MTUS1: variants seen among roughly 807,000 people sequenced by gnomAD.
MTUS1 encodes the protein microtubule-associated tumor suppressor 1.
Under a neutral mutation model 120.8 loss-of-function variants are expected in MTUS1, and 109 were observed. The observed-to-expected ratio is 0.90, with a 90% CI of 0.77 to 1.06. MTUS1 has a LOEUF of 1.06. Ranked by LOEUF, MTUS1 falls within the 50% of genes least tolerant of loss-of-function variation. The pLI is 0.00. For synonymous variants in MTUS1, 737 were observed against 550.5 expected, an observed-to-expected ratio of 1.34 and a Z score of -4.74; for missense variants, 2,210 against 1,486.3, an observed-to-expected ratio of 1.49 and a Z score of -8.01.
Position 17,723,742 on chromosome 8 carries a change from C to T in MTUS1, c.2379G>A (p.Ala793=), listed in dbSNP as rs376574345. 1.6e-4 allele frequency: 262 copies of T among 1,610,512 alleles called. 8 individuals carry two copies. Among genetic ancestry groups the T allele is most frequent in the Middle Eastern group, 4.9e-4 (3 of 6,068 alleles). The change falls in exon 4 of 15, where the codon GCG becomes GCA. Residue 793 remains alanine, a synonymous_variant. Coordinates refer to ENST00000693296, the MANE Select transcript of MTUS1 (RefSeq NM_001363059.2). ...AGGGGGTGCTTCCTGTCCTCCGCAG[C>T]GCAGGACTTTTCAAAGATGCTTTGG... The part of the protein sequence containing the change: ...PKSKASLKSP[A]LRRTGSTPSI...
intron 8 of MTUS1, among the ~76,000 whole-genome samples, chr8:17,656,457 G>C (rs1003299751): frequency 1.3e-5 from 2 of 151,810 alleles, no homozygotes; most frequent in Non-Finnish European, 2.9e-5. Flanking sequence ...GAACCCGGGA[G>C]GCGGAGGTTG....
At chr8:17,652,534 TTTTG>T (rs1554566207) in intron 12 of MTUS1, among the ~76,000 whole-genome samples, 1 of 151,960 alleles carries the variant, frequency 6.6e-6, no homozygotes, top group Non-Finnish European at 1.5e-5. Context: ...CCAGGGTTCC[TTTTG>T]GGGGTGATAA....
Position 17,691,704 on chromosome 8 carries a change from G to GT in MTUS1, c.2624-7163dup, listed in dbSNP as rs200014137. On this transcript the variant is annotated intron_variant, in intron 6 of 14. Coordinates refer to ENST00000693296, the MANE Select transcript of MTUS1 (RefSeq NM_001363059.2). ...TTCACACGCAAATGCTAATATATGT[G>GT]TTTTTTTTTAATGGAAGCTTTCTAA... Among the ~76,000 whole-genome samples, 753 of 150,544 alleles carry GT rather than the reference G, an allele frequency of 5.0e-3. 3 individuals are homozygous for GT. The highest frequency in any genetic ancestry group is 0.017 in the African/African-American group (689 of 41,068).
intron 8 of MTUS1, among the ~76,000 whole-genome samples, chr8:17,660,578 T>G (rs1433255019): frequency 2.0e-5 from 3 of 152,150 alleles, no homozygotes. Context: ...ATATGGCAAT[T>G]CTATTATTAA....
chr8:17,647,938 GTTC>G (rs1418898095), intron 13 of MTUS1, among the ~76,000 whole-genome samples: 4 of 152,258 alleles, frequency 2.6e-5, no homozygotes, highest in African/African-American at 9.6e-5. Context: ...GAACCTGATT[GTTC>G]TTAAGACATC....
At chr8:17,686,217 A>G (rs969161744) in intron 6 of MTUS1, among the ~76,000 whole-genome samples, 4 of 152,246 alleles carry the variant, frequency 2.6e-5, no homozygotes, top group Admixed American at 2.6e-4. Context: ...CCAGATTCAA[A>G]GTCAGAACCC....
intron 3 of MTUS1, among the ~76,000 whole-genome samples, chr8:17,737,319 G>C (rs1026568957): frequency 6.6e-6 from 1 of 152,184 alleles, no homozygotes; most frequent in Non-Finnish European, 1.5e-5. Flanking sequence ...AATTAAATGA[G>C]ATTATGCATT....
chr8:17,657,299 T>A (rs1167552252), intron 8 of MTUS1, among the ~76,000 whole-genome samples: 3 of 151,710 alleles, frequency 2.0e-5, no homozygotes, highest in Admixed American at 2.0e-4. Context: ...CCGGGCGCGG[T>A]GGCTCACGCC....
chr8:17,776,028 G>A (rs2050400606), intron 1 of MTUS1, among the ~76,000 whole-genome samples: 2 of 152,082 alleles, frequency 1.3e-5, no homozygotes, highest in East Asian at 1.9e-4. Flanking sequence ...ACTTAATAAC[G>A]AGGTCCTTCT....
At chr8:17,718,415 C>T (rs2131064755) in intron 4 of MTUS1, among the ~76,000 whole-genome samples, 1 of 152,306 alleles carries the variant, frequency 6.6e-6, no homozygotes, top group South Asian at 2.1e-4. Flanking sequence ...GCTGAATCAC[C>T]TATCTATGAA....
chr8:17,655,082 C>T (rs959056878), intron 9 of MTUS1: 27 of 174,784 alleles, frequency 1.5e-4, no homozygotes, highest in African/African-American at 5.4e-4. Context: ...TGACCAGGAA[C>T]GAGGATATGT....
chr8:17,708,570 C>T (rs1820620025), intron 6 of MTUS1, among the ~76,000 whole-genome samples: 1 of 152,202 alleles, frequency 6.6e-6, no homozygotes, highest in South Asian at 2.1e-4. Flanking sequence ...CACAGAGCTA[C>T]CAATTGAGCC....
rs190013217 is a variant in MTUS1, at chr8:17,788,176, G to C, written c.-155+12885C>G. Among the ~76,000 whole-genome samples the C allele has an allele frequency of 4.4e-4, 67 of 152,222 alleles. 1 individual carries two copies. Among genetic ancestry groups the C allele is most frequent in the Admixed American group, 2.0e-3 (31 of 15,296 alleles). ...ACACATTCTGTATCTTGATTGGTGTGATCGTTACACCAATATGTATTTGTC... is the reference window on the plus strand; with the variant it reads ...ACACATTCTGTATCTTGATTGGTGTCATCGTTACACCAATATGTATTTGTC... On this transcript the variant is annotated intron_variant, in intron 1 of 14. Coordinates refer to ENST00000693296, the MANE Select transcript of MTUS1 (RefSeq NM_001363059.2).
At chr8:17,737,279 T>C (rs1278538018) in intron 3 of MTUS1, among the ~76,000 whole-genome samples, 2 of 152,220 alleles carry the variant, frequency 1.3e-5, no homozygotes, top group Non-Finnish European at 2.9e-5. Flanking sequence ...GAATGGCGAT[T>C]ATCACAGTAT....
In MTUS1 at chr8:17,644,899, G is replaced by A. The variant is rs1805490913; in HGVS notation, c.*1027C>T. ...TGTCCCAGAGAAAAGTAGGTAGGAGGTAGAAGGTTTGCTTTTGTGGCTCTG... is the reference window on the plus strand; with the variant it reads ...TGTCCCAGAGAAAAGTAGGTAGGAGATAGAAGGTTTGCTTTTGTGGCTCTG... On this transcript the variant is annotated 3_prime_UTR_variant, in exon 15 of 15. Coordinates refer to ENST00000693296, the MANE Select transcript of MTUS1 (RefSeq NM_001363059.2). 6.6e-6 allele frequency: 1 copy of A among 152,174 alleles called. No individual in the cohort carries two copies. The highest frequency in any genetic ancestry group is 2.1e-4 in the South Asian group (1 of 4,824). 9.4% of individuals were successfully genotyped at this position (152,174 alleles called of 1,614,324 possible). A position where few individuals can be genotyped will look rare whatever the true frequency, so the allele number is the denominator to read the frequency against.
At chr8:17,703,261 A>G (rs1203926793) in intron 6 of MTUS1, among the ~76,000 whole-genome samples, 1 of 152,166 alleles carries the variant, frequency 6.6e-6, no homozygotes. Context: ...GGAATATAAT[A>G]TTAAGACCCT....
intron 6 of MTUS1, among the ~76,000 whole-genome samples, chr8:17,691,632 G>A (rs925016647): frequency 1.3e-5 from 2 of 151,948 alleles, no homozygotes; most frequent in Non-Finnish European, 2.9e-5. Flanking sequence ...CTTCACCTTG[G>A]TCCTTTTGAT....
chr8:17,743,865 G>A, intron 2 of MTUS1, 66 bp from the exon 3 acceptor site: 3 of 1,397,060 alleles, frequency 2.1e-6, no homozygotes, highest in Middle Eastern at 2.5e-4. Context: ...CTGACTGAAT[G>A]GGCCCCTCCT....
At chr8:17,680,550 T>C (rs1017073094) in intron 7 of MTUS1, among the ~76,000 whole-genome samples, 1 of 146,212 alleles carries the variant, frequency 6.8e-6, no homozygotes, top group Non-Finnish European at 1.5e-5. Context: ...TGTCAGGACC[T>C]AAATTTAAGT....
Sources: gnomAD v4.1 joint callset for allele counts (sites outside exome capture counted in the v4.1 genomes callset) on GRCh38, gnomAD v4.1.1 for gene constraint, MANE v1.5 for transcripts, NCBI Gene and HGNC (gene_info 2026-07-23, HGNC 2026-07-21) for gene names.